Variants in MGAT4C observed in about 807,000 individuals in gnomAD.
MGAT4C encodes alpha-1,3-mannosyl-glycoprotein 4-beta-N-acetylglucosaminyltransferase C.
MGAT4C carries 19 observed loss-of-function variants against 40.1 expected under a neutral mutation model. The observed-to-expected ratio is 0.47, with a 90% CI of 0.33 to 0.70. MGAT4C has a LOEUF of 0.70. Ranked by LOEUF, MGAT4C falls within the 30% of genes least tolerant of loss-of-function variation. The pLI is 0.02. For synonymous variants in MGAT4C, 181 were observed against 187.1 expected (o/e 0.97, Z 0.27); for missense variants, 491 against 563.2 (o/e 0.87, Z 1.30).
intron 3 of MGAT4C, among the ~76,000 whole-genome samples, chr12:86,338,004 T>C (rs933269640): frequency 2.0e-5 from 3 of 152,172 alleles, no homozygotes; most frequent in South Asian, 2.1e-4. Flanking sequence ...TGCAATGTTA[T>C]AACCGCCCAA....
At chr12:86,513,628 G>GA (rs981790027) in intron 2 of MGAT4C, among the ~76,000 whole-genome samples, 26 of 152,116 alleles carry the variant, frequency 1.7e-4, no homozygotes, top group Non-Finnish European at 2.2e-4. Context: ...GTCTGTATGG[G>GA]AAAAAAATGA....
intron 2 of MGAT4C, among the ~76,000 whole-genome samples, chr12:86,562,990 T>C (rs1959939958): frequency 6.6e-6 from 1 of 152,014 alleles, no homozygotes; most frequent in Non-Finnish European, 1.5e-5. Context: ...TGATCTCCCT[T>C]GGTTTACAGT....
At chr12:86,789,344 A>G (rs192245474) in intron 1 of MGAT4C, among the ~76,000 whole-genome samples, 58 of 152,222 alleles carry the variant, frequency 3.8e-4, no homozygotes, top group Non-Finnish European at 7.5e-4. Flanking sequence ...AGCAAACCCG[A>G]TCTATATTTG....
chr12:86,420,863 G>GTA lies in MGAT4C; in HGVS notation c.-120+14292_-120+14293dup, dbSNP rs141090815. The stretch of plus-strand genomic sequence containing the variant: ...CACATATGTATATACATATATATGT[G>GTA]TATATATATACATACATGTATATGT... On this transcript the variant is annotated intron_variant, in intron 3 of 7. Coordinates refer to the MGAT4C transcript ENST00000548651. 1.4e-3 allele frequency among the ~76,000 whole-genome samples: 207 copies of GTA among 144,602 alleles called. 3 individuals carry two copies. The highest frequency in any genetic ancestry group is 0.012 in the Admixed American group (175 of 14,430). 94.9% of individuals were successfully genotyped at this position (144,602 alleles called of 152,430 possible).
intron 3 of MGAT4C, among the ~76,000 whole-genome samples, chr12:86,350,443 T>C (rs1247639963): frequency 1.3e-5 from 2 of 152,124 alleles, no homozygotes; most frequent in Non-Finnish European, 2.9e-5. Flanking sequence ...AATAACTAAA[T>C]GAATGATGAA....
At chr12:86,234,047 C>T (rs79497514) in intron 1 of MGAT4C, among the ~76,000 whole-genome samples, 3,920 of 151,966 alleles carry the variant, frequency 0.026, 71 homozygotes, top group Middle Eastern at 0.065. Flanking sequence ...ATAATGTATG[C>T]TATCATAGTA....
intron 1 of MGAT4C, among the ~76,000 whole-genome samples, chr12:86,817,876 G>A (rs1463638681): frequency 6.6e-6 from 1 of 151,308 alleles, no homozygotes. Context: ...GATAGAGTGT[G>A]GGCCTTTTAA....
rs1425530262 is a variant in MGAT4C, at chr12:86,298,145, A to G, written c.-57+35920T>C. Among the ~76,000 whole-genome samples the G allele has an allele frequency of 5.3e-5, 8 of 152,162 alleles. No individual in the cohort carries two copies. The South Asian group carries it at 1.7e-3, about 31-fold the overall frequency. ...CTAAAGGGTAAAAAGCAAAAGTTAA[A>G]AAAAAATCAATGGGTTTAACTGTAT... On this transcript the variant is annotated intron_variant, in intron 4 of 7. Transcript: ENST00000548651.
chr12:86,724,883 G>C (rs1950796806), intron 2 of MGAT4C, among the ~76,000 whole-genome samples: 1 of 152,160 alleles, frequency 6.6e-6, no homozygotes, highest in African/African-American at 2.4e-5. Context: ...TGTGCTGAAA[G>C]CGGATGTTAA....
intron 3 of MGAT4C, among the ~76,000 whole-genome samples, chr12:86,386,331 G>C (rs1369137597): frequency 6.6e-6 from 1 of 152,132 alleles, no homozygotes; most frequent in Non-Finnish European, 1.5e-5. Flanking sequence ...TTACAGAGAA[G>C]AGTAGTGTGT....
intron 1 of MGAT4C, among the ~76,000 whole-genome samples, chr12:86,180,815 C>G (rs939159035): frequency 2.6e-5 from 4 of 152,282 alleles, no homozygotes; most frequent in Non-Finnish European, 4.4e-5. Flanking sequence ...CTTGCCTTGT[C>G]TCAGATGAAA....
intron 1 of MGAT4C, among the ~76,000 whole-genome samples, chr12:86,233,566 C>A (rs188826729): frequency 1.3e-3 from 196 of 152,214 alleles, no homozygotes; most frequent in African/African-American, 4.5e-3. Context: ...AATTCCAGGA[C>A]AATTTCTTTC....
rs71076198 is a variant in MGAT4C, at chr12:86,408,479, C to CTATATATATA, written c.-120+26668_-120+26677dup. Among the ~76,000 whole-genome samples, 76 of 63,320 alleles carry CTATATATATA rather than the reference C, an allele frequency of 1.2e-3. 1 individual carries two copies. The highest frequency in any genetic ancestry group is 3.1e-3 in the African/African-American group (40 of 12,758). The allele number at this position is 63,320 out of a possible 152,430, so 41.5% of individuals were successfully genotyped here. A position where few individuals can be genotyped will look rare whatever the true frequency, so the allele number is the denominator to read the frequency against. Reference sequence around the variant, plus strand: ...TCTCTCTCTCTCTCTCTCTCTCTCTCTATATATATATATATATATATATAT... The same window carrying CTATATATATA: ...TCTCTCTCTCTCTCTCTCTCTCTCTCTATATATATATATATATATATATATATATATATAT... On this transcript the variant is annotated intron_variant, in intron 3 of 7. Coordinates refer to the MGAT4C transcript ENST00000548651.
At chr12:86,487,432 T>C (rs1237142226) in intron 2 of MGAT4C, among the ~76,000 whole-genome samples, 1 of 152,212 alleles carries the variant, frequency 6.6e-6, no homozygotes, top group African/African-American at 2.4e-5. Flanking sequence ...AGGTGGTCTT[T>C]ATTTCTTATT....
At chr12:86,565,508 T>C (rs930010564) in intron 2 of MGAT4C, among the ~76,000 whole-genome samples, 1 of 152,116 alleles carries the variant, frequency 6.6e-6, no homozygotes, top group African/African-American at 2.4e-5. Context: ...GTCTTTCCAG[T>C]GGGGAGAACT....
intron 3 of MGAT4C, among the ~76,000 whole-genome samples, chr12:86,384,740 T>C (rs1956019809): frequency 6.6e-6 from 1 of 152,226 alleles, no homozygotes; most frequent in African/African-American, 2.4e-5. Context: ...CTGAATGATA[T>C]AGAACTAGCT....
chr12:86,562,666 C>T, intron 2 of MGAT4C, among the ~76,000 whole-genome samples: 1 of 152,036 alleles, frequency 6.6e-6, no homozygotes, highest in East Asian at 1.9e-4. Context: ...TAAAGTCCTG[C>T]AGGCCCCTAG....
intron 1 of MGAT4C, among the ~76,000 whole-genome samples, chr12:86,198,756 C>G (rs1192203852): frequency 6.6e-6 from 1 of 151,944 alleles, no homozygotes; most frequent in Admixed American, 6.5e-5. Context: ...CTTTTTTTCC[C>G]TGTAATGCTC....
At chr12:86,753,065 GT>G (rs1951249165) in intron 1 of MGAT4C, among the ~76,000 whole-genome samples, 3 of 152,106 alleles carry the variant, frequency 2.0e-5, no homozygotes, top group Admixed American at 2.0e-4. Context: ...CTTCTTTAAT[GT>G]TAAAATTCGT....
Sources: allele counts gnomAD v4.1 joint callset (sites outside exome capture counted in the v4.1 genomes callset), GRCh38; gene constraint gnomAD v4.1.1; transcripts MANE v1.5; gene names NCBI Gene and HGNC (gene_info 2026-07-23, HGNC 2026-07-21).